The following SPATA12 variants were observed in gnomAD, a reference collection of about 807,000 sequenced individuals.
SPATA12 encodes the protein spermatogenesis-associated protein 12.
For missense variants in SPATA12, 219 were observed against 226.4 expected (o/e 0.97, Z 0.21); for synonymous variants, 85 against 89.2 (o/e 0.95, Z 0.26).
At position 57,074,655 on chromosome 3, in the gene SPATA12, G is replaced by C. The variant is rs574888765; in HGVS notation, c.*388G>C. 4.9e-6 allele frequency: 1 copy of C among 202,388 alleles called. No individual in the cohort carries two copies. The highest frequency in any genetic ancestry group is 1.2e-4 in the South Asian group (1 of 8,124). The allele number at this position is 202,388 out of a possible 1,614,324, so 12.5% of individuals were successfully genotyped here. A position where few individuals can be genotyped will look rare whatever the true frequency, so the allele number is the denominator to read the frequency against. On this transcript the variant is annotated 3_prime_UTR_variant, in exon 2 of 2. Coordinates refer to ENST00000334325, the MANE Select transcript of SPATA12 (RefSeq NM_181727.2). ...TCATCTCTTTATTGTTTCTATCAAAGCCTGCTAAGTAATTACTTTCCCTCT... is the reference window on the plus strand; with the variant it reads ...TCATCTCTTTATTGTTTCTATCAAACCCTGCTAAGTAATTACTTTCCCTCT...
At chr3:57,067,617 A>C (rs1029344704) in intron 1 of SPATA12, among the ~76,000 whole-genome samples, 3 of 151,208 alleles carry the variant, frequency 2.0e-5, no homozygotes, top group Non-Finnish European at 2.9e-5. Flanking sequence ...AGAAAATCAC[A>C]TGAGGCCAGG....
chr3:57,065,647 T>C (rs965897531), intron 1 of SPATA12, among the ~76,000 whole-genome samples: 1 of 152,144 alleles, frequency 6.6e-6, no homozygotes, highest in Non-Finnish European at 1.5e-5. Context: ...ATAATAAATG[T>C]TTAATGTCTT....
At chr3:57,072,834 C>G (rs1705996244) in intron 1 of SPATA12, among the ~76,000 whole-genome samples, 1 of 152,040 alleles carries the variant, frequency 6.6e-6, no homozygotes, top group Non-Finnish European at 1.5e-5. Context: ...ATCACGAGGT[C>G]AGGAGTTCAA....
intron 1 of SPATA12, among the ~76,000 whole-genome samples, chr3:57,071,608 C>T (rs371611136): frequency 6.0e-5 from 9 of 149,686 alleles, no homozygotes; most frequent in African/African-American, 2.0e-4. Context: ...TGTAGTGAGC[C>T]GAGATCATGC....
chr3:57,066,810 G>A (rs974520988), intron 1 of SPATA12, among the ~76,000 whole-genome samples: 2 of 152,104 alleles, frequency 1.3e-5, no homozygotes, highest in Non-Finnish European at 2.9e-5. Context: ...GAAAAAGACC[G>A]ACCTCCCAGA....
intron 1 of SPATA12, among the ~76,000 whole-genome samples, chr3:57,067,454 A>AAATAAT (rs10528636): frequency 0.078 from 10,934 of 140,360 alleles, 738 homozygotes; most frequent in African/African-American, 0.18. Context: ...CTCTGTCTCA[A>AAATAAT]AATAATAATA....
chr3:57,068,303 A>T (rs1024179582), intron 1 of SPATA12, among the ~76,000 whole-genome samples: 1 of 152,136 alleles, frequency 6.6e-6, no homozygotes, highest in African/African-American at 2.4e-5. Flanking sequence ...TAGCATCATC[A>T]TTCTTATCTC....
Position 57,073,497 on chromosome 3 carries a change from C to G in SPATA12, c.-198C>G, listed in dbSNP as rs1387642233. 1.3e-6 allele frequency: 1 copy of G among 780,732 alleles called. No homozygotes were observed. The highest frequency in any genetic ancestry group is 1.9e-6 in the Non-Finnish European group (1 of 518,818). The allele number at this position is 780,732 out of a possible 1,614,324, so 48.4% of individuals were successfully genotyped here. A position where few individuals can be genotyped will look rare whatever the true frequency, so the allele number is the denominator to read the frequency against. ...CAAAGATGTGAACATGGGAAAACCT[C>G]TGCAGTATCTGGGTGACTGTGGGGT... On this transcript the variant is annotated 5_prime_UTR_variant, in exon 2 of 2. Transcript: ENST00000334325.
chr3:57,064,471 T>C (rs976488325), intron 1 of SPATA12, among the ~76,000 whole-genome samples: 1 of 152,108 alleles, frequency 6.6e-6, no homozygotes, highest in African/African-American at 2.4e-5. Context: ...TACAGGTGCA[T>C]GCCACCACGC....
Position 57,073,748 on chromosome 3 carries a change from C to A in SPATA12, c.54C>A (p.Thr18=). The part of the protein sequence containing the change: ...CGSTLEKSGD[T]WEMKALDSSR... ...CCACCTTAGAAAAGTCAGGAGACAC[C>A]TGGGAAATGAAGGCACTAGACTCTT... The change falls in exon 2 of 2, where the codon ACC becomes ACA. Residue 18 remains threonine, a synonymous_variant. Coordinates refer to ENST00000334325, the MANE Select transcript of SPATA12 (RefSeq NM_181727.2). 1 of 1,614,204 alleles carries A rather than the reference C, an allele frequency of 6.2e-7. No individual in the cohort carries two copies. The highest frequency in any genetic ancestry group is 8.5e-7 in the Non-Finnish European group (1 of 1,180,046).
chr3:57,070,621 C>G (rs770271419), intron 1 of SPATA12, among the ~76,000 whole-genome samples: 1 of 152,010 alleles, frequency 6.6e-6, no homozygotes, highest in African/African-American at 2.4e-5. Flanking sequence ...ACAAGCTGAT[C>G]CTAAAATTCA....
At chr3:57,071,463 C>T (rs776751561) in intron 1 of SPATA12, among the ~76,000 whole-genome samples, 7 of 152,056 alleles carry the variant, frequency 4.6e-5, no homozygotes, top group African/African-American at 1.7e-4. Flanking sequence ...AGTTCCAGAC[C>T]AGCCTGGCCA....
Position 57,074,905 on chromosome 3 carries a change from A to G in SPATA12, c.*638A>G, listed in dbSNP as rs1384151659. On this transcript the variant is annotated 3_prime_UTR_variant, in exon 2 of 2. Transcript: ENST00000334325. ...ACCAGCCTTCTAGTTGACCATCAGAACACACAACGCCAAGATCTTACTCCA... is the reference window on the plus strand; with the variant it reads ...ACCAGCCTTCTAGTTGACCATCAGAGCACACAACGCCAAGATCTTACTCCA... 6.0e-6 allele frequency: 1 copy of G among 167,270 alleles called. No homozygotes were observed. Among genetic ancestry groups the G allele is most frequent in the Non-Finnish European group, 1.5e-5 (1 of 68,328 alleles). 10.4% of individuals were successfully genotyped at this position (167,270 alleles called of 1,614,324 possible).
chr3:57,066,176 GTCAA>G (rs1262841160), intron 1 of SPATA12, among the ~76,000 whole-genome samples: 1 of 152,108 alleles, frequency 6.6e-6, no homozygotes, highest in Non-Finnish European at 1.5e-5. Context: ...TTATTTTGCA[GTCAA>G]TCAAAGGGGA....
rs138694302 is a variant in SPATA12 at position 57,073,795 on chromosome 3, C to A, written c.101C>A (p.Pro34His). 2.5e-6 allele frequency: 4 copies of A among 1,614,076 alleles called. No individual in the cohort carries two copies. The African/African-American group carries it at 5.3e-5, about 22-fold the overall frequency. The change falls in exon 2 of 2, where the codon CCC (proline) becomes CAC (histidine). Residue 34 changes from proline (P) to histidine (H), a missense_variant. Pro to His is a moderately conservative substitution (Grantham distance 77, BLOSUM62 -2). Transcript: ENST00000334325. Reference protein sequence around the residue: ...LDSSRLVPWPPRGLGSSTQHP... With the variant: ...LDSSRLVPWPHRGLGSSTQHP... ...TCTTCCAGACTCGTTCCATGGCCACCCAGAGGCCTTGGGTCATCCACCCAA... is the reference window on the plus strand; with the variant it reads ...TCTTCCAGACTCGTTCCATGGCCACACAGAGGCCTTGGGTCATCCACCCAA...
chr3:57,074,161 G>T lies in SPATA12; in HGVS notation c.467G>T (p.Ser156Ile). Reference protein sequence around the residue: ...RLCEDIDAEPSSTGCSRSNQL... With the variant: ...RLCEDIDAEPISTGCSRSNQL... ...TGTGAGGATATAGATGCCGAGCCCA[G>T]TAGCACAGGGTGCAGCCGTTCAAAC... The change falls in exon 2 of 2, where the codon AGT (serine) becomes ATT (isoleucine). Residue 156 changes from serine to isoleucine, a missense_variant. By Grantham distance (142) the Ser-to-Ile change is moderately radical (BLOSUM62 -2). Coordinates refer to ENST00000334325, the MANE Select transcript of SPATA12 (RefSeq NM_181727.2). The T allele has an allele frequency of 6.2e-7, 1 of 1,614,194 alleles. No individual in the cohort carries two copies. The highest frequency in any genetic ancestry group is 8.5e-7 in the Non-Finnish European group (1 of 1,180,046).
intron 1 of SPATA12, among the ~76,000 whole-genome samples, chr3:57,068,753 C>A (rs116082788): frequency 6.6e-6 from 1 of 152,134 alleles, no homozygotes; most frequent in Non-Finnish European, 1.5e-5. Context: ...AACTGTGTAA[C>A]GTGCTTCCTT....
chr3:57,066,489 C>T (rs1357127062), intron 1 of SPATA12, among the ~76,000 whole-genome samples: 2 of 152,216 alleles, frequency 1.3e-5, no homozygotes, highest in Admixed American at 6.5e-5. Context: ...TCTTGAACTC[C>T]TGACCTCAAG....
intron 1 of SPATA12, among the ~76,000 whole-genome samples, chr3:57,063,918 G>A (rs1253216447): frequency 2.0e-5 from 3 of 152,238 alleles, no homozygotes; most frequent in Admixed American, 6.5e-5. Flanking sequence ...CAGATGAATG[G>A]TAGAACAAAA....
Sources: allele counts gnomAD v4.1 joint callset (sites outside exome capture counted in the v4.1 genomes callset), GRCh38; gene constraint gnomAD v4.1.1; transcripts MANE v1.5; gene names NCBI Gene and HGNC (gene_info 2026-07-23, HGNC 2026-07-21).